The following BPI variants were observed in gnomAD, a reference collection of about 807,000 sequenced individuals.
The protein encoded by BPI is bactericidal permeability increasing protein.
BPI carries 48 observed loss-of-function variants against 57.6 expected under a neutral mutation model. The ratio of observed to expected loss-of-function variants is 0.83; its 90% confidence interval spans 0.66 to 1.06. BPI has a LOEUF of 1.06. Ranked by LOEUF, BPI falls within the 50% of genes least tolerant of loss-of-function variation. The pLI is 0.00. For missense variants in BPI, 651 were observed against 609.7 expected (o/e 1.07, Z -0.71); for synonymous variants, 237 against 238.2 (o/e 0.99, Z 0.05).
intron 4 of BPI, 118 bp from the exon 5 acceptor site, chr20:38,311,756 G>A (rs1600699811): frequency 9.0e-6 from 8 of 892,204 alleles, no homozygotes; most frequent in South Asian, 1.4e-5. Context: ...GCTCAGAGGA[G>A]AGGGTGCCAA....
At chr20:38,309,590 T>A (rs1347702697) in intron 3 of BPI, among the ~76,000 whole-genome samples, 1 of 152,164 alleles carries the variant, frequency 6.6e-6, no homozygotes, top group African/African-American at 2.4e-5. Flanking sequence ...GGCTCAGAAT[T>A]TATATACCAT....
intron 5 of BPI, among the ~76,000 whole-genome samples, chr20:38,314,451 A>ATGG (rs2076640291): frequency 7.2e-6 from 1 of 138,174 alleles, no homozygotes; most frequent in African/African-American, 2.7e-5. Context: ...GATTATAATG[A>ATGG]TGATGGTGAT....
intron 7 of BPI, among the ~76,000 whole-genome samples, chr20:38,320,740 G>C (rs1038519741): frequency 1.3e-5 from 2 of 151,156 alleles, no homozygotes; most frequent in Non-Finnish European, 2.9e-5. Context: ...AGGGAGAAGG[G>C]GCTGCGACTA....
chr20:38,314,407 T>C (rs2076639721), intron 5 of BPI, among the ~76,000 whole-genome samples: 1 of 146,768 alleles, frequency 6.8e-6, no homozygotes, highest in Non-Finnish European at 1.5e-5. Flanking sequence ...ATGGTGATGG[T>C]GGGGATGATG....
chr20:38,324,883 A>G (rs2076704563), intron 9 of BPI, 50 bp downstream of exon 9: 1 of 1,484,616 alleles, frequency 6.7e-7, no homozygotes, highest in Admixed American at 1.7e-5. Context: ...TTCTGGGAGG[A>G]CAGGGCTTTG....
chr20:38,308,800 C>G (rs1218758146), intron 2 of BPI, 130 bp from the exon 3 acceptor site: 1 of 1,256,140 alleles, frequency 8.0e-7, no homozygotes, highest in Admixed American at 2.2e-5. Flanking sequence ...TAGCTTTGGG[C>G]TCCTCCTGGA....
In BPI at chr20:38,337,053, T is replaced by C. The variant is rs5743548; in HGVS notation, c.1414-93T>C. 2.0e-3 allele frequency: 2,692 copies of C among 1,328,220 alleles called. 45 individuals are homozygous for C. The African/African-American group carries it at 0.034, about 17-fold the overall frequency. 82.3% of individuals were successfully genotyped at this position (1,328,220 alleles called of 1,614,324 possible). On this transcript the variant is annotated intron_variant, in intron 14 of 14. Coordinates refer to ENST00000642449, the MANE Select transcript of BPI (RefSeq NM_001725.3). ...CCTTTCTCCTTCCTAAGAGGCAGGC[T>C]CCCAAAATGTCCTTCTTAAAACTCC...
chr20:38,326,564 G>A, intron 10 of BPI, 132 bp downstream of exon 10: 1 of 1,156,800 alleles, frequency 8.6e-7, no homozygotes, highest in Non-Finnish European at 1.2e-6. Context: ...CCTGAGGCTT[G>A]AGTCACTGTA....
chr20:38,310,620 T>C lies in BPI; in HGVS notation c.504T>C (p.Ser168=), dbSNP rs1363474751. The part of the protein sequence containing the change: ...TCSSCSSHIN[S]VHVHISKSKV... ...CCAGCTGCAGCAGCCACATCAACAGTGTCCACGTGCACATCTCAAAGAGCA... is the reference window on the plus strand; with the variant it reads ...CCAGCTGCAGCAGCCACATCAACAGCGTCCACGTGCACATCTCAAAGAGCA... The change falls in exon 4 of 15, where the codon AGT becomes AGC. Residue 168 remains serine (S), a synonymous_variant. Transcript: ENST00000642449. 6.2e-7 allele frequency: 1 copy of C among 1,613,800 alleles called. No individual in the cohort carries two copies. Among genetic ancestry groups the C allele is most frequent in the Non-Finnish European group, 8.5e-7 (1 of 1,179,872 alleles).
chr20:38,323,630 G>C (rs2076697494), intron 7 of BPI, among the ~76,000 whole-genome samples: 1 of 152,202 alleles, frequency 6.6e-6, no homozygotes, highest in Admixed American at 6.5e-5. Context: ...TCACCTCCTT[G>C]TGCCTCAGTG....
At chr20:38,320,301 C>A (rs757928081) in intron 7 of BPI, 27 bp downstream of exon 7, 2 of 1,598,496 alleles carry the variant, frequency 1.3e-6, no homozygotes, top group Non-Finnish European at 8.6e-7. Context: ...GAATCATACA[C>A]CCTCACACCT....
At chr20:38,313,464 T>C (rs2076631904) in intron 5 of BPI, among the ~76,000 whole-genome samples, 1 of 150,400 alleles carries the variant, frequency 6.6e-6, no homozygotes, top group African/African-American at 2.5e-5. Flanking sequence ...TAAGGATTCA[T>C]GAGATAACCC....
At chr20:38,311,427 C>G (rs371627951) in intron 4 of BPI, among the ~76,000 whole-genome samples, 3 of 152,192 alleles carry the variant, frequency 2.0e-5, no homozygotes, top group African/African-American at 7.2e-5. Flanking sequence ...AGGCTCTGAC[C>G]GCATCTGGGA....
chr20:38,312,810 A>G (rs2076627954), intron 5 of BPI, among the ~76,000 whole-genome samples: 2 of 152,358 alleles, frequency 1.3e-5, no homozygotes, highest in South Asian at 4.1e-4. Context: ...CTATCTGAAG[A>G]TACTGTGTCA....
At chr20:38,334,572 C>T in intron 13 of BPI, 79 bp downstream of exon 13, 2 of 1,434,378 alleles carry the variant, frequency 1.4e-6, no homozygotes, top group South Asian at 2.3e-5. Context: ...CCACCTGTTA[C>T]CTGGCCCCAG....
chr20:38,309,653 C>T (rs1479484743), intron 3 of BPI, among the ~76,000 whole-genome samples: 2 of 152,200 alleles, frequency 1.3e-5, no homozygotes, highest in Admixed American at 6.5e-5. Context: ...GCAAAGGCAC[C>T]TTCCTCAACC....
chr20:38,335,767 G>A, intron 14 of BPI, 93 bp downstream of exon 14: 1 of 1,284,460 alleles, frequency 7.8e-7, no homozygotes, highest in Non-Finnish European at 1.1e-6. Context: ...CAAGCCCTGT[G>A]TGAAGCGCCT....
At chr20:38,318,317 C>A in intron 5 of BPI, 96 bp from the exon 6 acceptor site, 1 of 1,363,566 alleles carries the variant, frequency 7.3e-7, no homozygotes, top group Non-Finnish European at 1.0e-6. Flanking sequence ...TTCAAGAAAA[C>A]ATTCAAGGAA....
intron 5 of BPI, among the ~76,000 whole-genome samples, chr20:38,316,589 C>T (rs963568530): frequency 4.6e-5 from 7 of 152,172 alleles, no homozygotes; most frequent in Non-Finnish European, 8.8e-5. Context: ...TCCCAGGCAG[C>T]GCAGTGAGGA....
Sources: allele counts gnomAD v4.1 joint callset (sites outside exome capture counted in the v4.1 genomes callset), GRCh38; gene constraint gnomAD v4.1.1; transcripts MANE v1.5; gene names NCBI Gene and HGNC (gene_info 2026-07-23, HGNC 2026-07-21).